The following ZKSCAN8 variants were observed in gnomAD, a reference collection of about 807,000 sequenced individuals.
The protein encoded by ZKSCAN8 is zinc finger with KRAB and SCAN domains 8, also known as zinc finger protein with KRAB and SCAN domains 8.
A neutral mutation model predicts 57.2 loss-of-function variants in ZKSCAN8; 27 were observed. That is an observed-to-expected ratio of 0.47 (90% confidence interval 0.35 to 0.65). The LOEUF is 0.65. Among genes scored for constraint, ZKSCAN8 ranks in the 30% least tolerant of loss-of-function variants. ZKSCAN8 has a pLI of 0.01. For missense variants in ZKSCAN8, 597 were observed against 696.3 expected (o/e 0.86, Z 1.60); for synonymous variants, 214 against 248.7 (o/e 0.86, Z 1.31).
chr6:28,142,481 T>C lies in ZKSCAN8; in HGVS notation c.-93+452T>C, dbSNP rs564619818. Among the ~76,000 whole-genome samples the C allele has an allele frequency of 2.6e-5, 4 of 152,234 alleles. No homozygotes were observed. In the East Asian group the frequency reaches 5.8e-4, roughly 22 times the overall value. ...ATTTTTGCTGTTACTCTTCTTTCTT[T>C]AGTGTATTCAGAAACTGGTGGTGTG... On this transcript the variant is annotated intron_variant, in intron 1 of 5. Coordinates refer to ENST00000330236, the MANE Select transcript of ZKSCAN8 (RefSeq NM_006298.4).
In ZKSCAN8 at chr6:28,155,257, T is replaced by C. The variant is rs1425155759; in HGVS notation, c.*1240T>C. 1 of 152,248 alleles carries C rather than the reference T, an allele frequency of 6.6e-6. No individual in the cohort carries two copies. The highest frequency in any genetic ancestry group is 1.5e-5 in the Non-Finnish European group (1 of 68,046). 9.4% of individuals were successfully genotyped at this position (152,248 alleles called of 1,614,324 possible). On this transcript the variant is annotated 3_prime_UTR_variant, in exon 6 of 6. Transcript: ENST00000330236. ...TGTCTATAATCTACCAACAAAGATGTACTCTTAAACTCAGTATCACCAGGC... is the reference window on the plus strand; with the variant it reads ...TGTCTATAATCTACCAACAAAGATGCACTCTTAAACTCAGTATCACCAGGC...
Position 28,153,980 on chromosome 6 carries a change from T to A in ZKSCAN8, c.1700T>A (p.Ile567Asn). The A allele has an allele frequency of 6.2e-7, 1 of 1,606,470 alleles. No homozygotes were observed. Reference protein sequence around the residue: ...QRSSLIRHQRIHSGEKSESIS... With the variant: ...QRSSLIRHQRNHSGEKSESIS... ...TCAAGTCTCATTCGACATCAGAGAA[T>A]CCACAGTGGTGAAAAATCTGAATCC... Residue 567 changes from isoleucine (I) to asparagine (N), a missense_variant, in exon 6 of 6, where the codon ATC (isoleucine) becomes AAC (asparagine). Coordinates refer to ENST00000330236, the MANE Select transcript of ZKSCAN8 (RefSeq NM_006298.4).
chr6:28,143,036 T>C (rs1395449701), intron 1 of ZKSCAN8, among the ~76,000 whole-genome samples: 6 of 152,226 alleles, frequency 3.9e-5, no homozygotes, highest in East Asian at 3.8e-4. Flanking sequence ...GAGTTGTGCC[T>C]TCAGCATCTC....
In ZKSCAN8 at chr6:28,148,597, G is replaced by A. The variant is rs754942871; in HGVS notation, c.190G>A (p.Gly64Arg). The A allele has an allele frequency of 6.2e-7, 1 of 1,614,016 alleles. No individual in the cohort carries two copies. The highest frequency in any genetic ancestry group is 1.3e-5 in the African/African-American group (1 of 74,902). Reference protein sequence around the residue: ...FRQLRYQETLGPREALIQLRA... With the variant: ...FRQLRYQETLRPREALIQLRA... Reference sequence around the variant, plus strand: ...GCAGTTACGCTACCAGGAGACACTAGGACCCCGAGAAGCTCTGATCCAACT... The same window carrying A: ...GCAGTTACGCTACCAGGAGACACTAAGACCCCGAGAAGCTCTGATCCAACT... The change falls in exon 2 of 6, where the codon GGA (glycine) becomes AGA (arginine). Residue 64 changes from glycine (G) to arginine (R), a missense_variant. Physicochemically the swap from Gly to Arg is moderately radical, Grantham distance 125. Transcript: ENST00000330236.
rs187631127 is a variant in ZKSCAN8 at position 28,157,585 on chromosome 6, T to G, written c.*3568T>G. Reference sequence around the variant, plus strand: ...CCAGCTTTTTAAAAATATGTAGCGCTTGTCATGAGAGGTACTGGGGAAAAG... The same window carrying G: ...CCAGCTTTTTAAAAATATGTAGCGCGTGTCATGAGAGGTACTGGGGAAAAG... On this transcript the variant is annotated 3_prime_UTR_variant, in exon 6 of 6. Transcript: ENST00000330236. 3.8e-4 allele frequency: 58 copies of G among 152,214 alleles called. 2 individuals carry two copies. The East Asian group carries it at 0.011, about 28-fold the overall frequency. 9.4% of individuals were successfully genotyped at this position (152,214 alleles called of 1,614,324 possible). A position where few individuals can be genotyped will look rare whatever the true frequency, so the allele number is the denominator to read the frequency against.
chr6:28,152,199 C>A, intron 4 of ZKSCAN8, 62 bp from the exon 5 acceptor site: 1 of 1,551,296 alleles, frequency 6.4e-7, no homozygotes. Context: ...ATCTCTCAAG[C>A]TCTATAGGTT....
Position 28,149,614 on chromosome 6 carries a change from A to C in ZKSCAN8, c.549A>C (p.Ser183=), listed in dbSNP as rs374702733. The change falls in exon 3 of 6, where the codon TCA becomes TCC. Residue 183 remains serine (S), a synonymous_variant. Transcript: ENST00000330236. ...TQHKSPVPQE[S]QERAMSTSQS... is the part of the protein sequence containing the mutation. ...ATAAATCTCCAGTGCCCCAAGAGTC[A>C]CAAGAGAGAGGTGAGTAGCCAGATT... The C allele has an allele frequency of 1.1e-5, 18 of 1,613,860 alleles. No homozygotes were observed. Among genetic ancestry groups the C allele is most frequent in the Non-Finnish European group, 1.4e-5 (17 of 1,179,956 alleles).
Position 28,148,652 on chromosome 6 carries a change from C to G in ZKSCAN8, c.245C>G (p.Pro82Arg), listed in dbSNP as rs1466786086. Residue 82 changes from proline to arginine, a missense_variant, in exon 2 of 6, where the codon CCA becomes CGA. Pro to Arg is a moderately radical substitution (Grantham distance 103). Transcript: ENST00000330236. ...GCCCTTTGCCATCAGTGGCTGAGGC[C>G]AGATTTGAACACCAAGGAACAGATC... ...LRALCHQWLR[P>R]DLNTKEQILE... The G allele has an allele frequency of 6.2e-7, 1 of 1,614,092 alleles. No homozygotes were observed. Among genetic ancestry groups the G allele is most frequent in the Non-Finnish European group, 8.5e-7 (1 of 1,180,012 alleles).
Position 28,152,396 on chromosome 6 carries a change from T to C in ZKSCAN8, c.775+12T>C, listed in dbSNP as rs768070272. 1.6e-5 allele frequency: 26 copies of C among 1,594,878 alleles called. No homozygotes were observed. In the Admixed American group the frequency reaches 3.5e-4, roughly 21 times the overall value. On this transcript the variant is annotated intron_variant, in intron 5 of 5. Transcript: ENST00000330236. ...CATGTTCTCCCTGGGTAAGGAGAGG[T>C]GTGGTTATTATTGTCATTTTAGATT...
rs1765849570 is a variant in ZKSCAN8 at position 28,158,224 on chromosome 6, T to G, written c.*4207T>G. The G allele has an allele frequency of 6.6e-6, 1 of 152,178 alleles. No homozygotes were observed. Among genetic ancestry groups the G allele is most frequent in the Non-Finnish European group, 1.5e-5 (1 of 68,034 alleles). The allele number at this position is 152,178 out of a possible 1,614,324, so 9.4% of individuals were successfully genotyped here. A position where few individuals can be genotyped will look rare whatever the true frequency, so the allele number is the denominator to read the frequency against. ...TTCTCTAATATCTGTCTTTCTTTTT[T>G]TAGTTGATCTTTCCACCCACTCCCC... is the stretch of plus-strand genomic sequence containing the variant. On this transcript the variant is annotated 3_prime_UTR_variant, in exon 6 of 6. Transcript: ENST00000330236.
In ZKSCAN8 at chr6:28,152,015, T is replaced by C. The variant is rs1765607735; in HGVS notation, c.651+79T>C. 44 of 1,533,072 alleles carry C rather than the reference T, an allele frequency of 2.9e-5. No individual in the cohort carries two copies. In the East Asian group the frequency reaches 9.5e-4, roughly 33 times the overall value. The allele number at this position is 1,533,072 out of a possible 1,614,324, so 95.0% of individuals were successfully genotyped here. ...TGGCATCTGCCCTATATCTTGACTG[T>C]CTAGTTTGTAGCAGTACCTACCCAA... On this transcript the variant is annotated intron_variant, in intron 4 of 5. Coordinates refer to ENST00000330236, the MANE Select transcript of ZKSCAN8 (RefSeq NM_006298.4).
chr6:28,152,110 A>G (rs1435836509), intron 4 of ZKSCAN8, 151 bp from the exon 5 acceptor site: 7 of 1,391,892 alleles, frequency 5.0e-6, no homozygotes, highest in Non-Finnish European at 6.8e-6. Flanking sequence ...AATCTCATGC[A>G]TTTTCCTCTT....
At position 28,152,056 on chromosome 6, in the gene ZKSCAN8, A is replaced by G. The variant is rs531172309; in HGVS notation, c.651+120A>G. 36 of 1,394,110 alleles carry G rather than the reference A, an allele frequency of 2.6e-5. No individual in the cohort carries two copies. In the East Asian group the frequency reaches 7.6e-4, roughly 29 times the overall value. 86.4% of individuals were successfully genotyped at this position (1,394,110 alleles called of 1,614,324 possible). ...ACCTACCCAAAAAGTTGTCCCAAAA[A>G]TTCTTTTGCCTAGGGACAGATTGAT... On this transcript the variant is annotated intron_variant, in intron 4 of 5. Transcript: ENST00000330236.
rs1264618759 is a variant in ZKSCAN8, at chr6:28,158,778, A to C, written c.*4761A>C. On this transcript the variant is annotated 3_prime_UTR_variant, in exon 6 of 6. Transcript: ENST00000330236. The stretch of plus-strand genomic sequence containing the variant: ...TCTAAGGTGCTCCTCCTCAAACTCC[A>C]TTTTTACAATATCCGTATTGTAAAA... The C allele has an allele frequency of 6.6e-6, 1 of 152,022 alleles. No homozygotes were observed. The highest frequency in any genetic ancestry group is 2.4e-5 in the African/African-American group (1 of 41,384). The allele number at this position is 152,022 out of a possible 1,614,324, so 9.4% of individuals were successfully genotyped here.
Position 28,156,156 on chromosome 6 carries a change from T to G in ZKSCAN8, c.*2139T>G, listed in dbSNP as rs1479377676. The G allele has an allele frequency of 2.5e-6, 1 of 398,238 alleles. No homozygotes were observed. Among genetic ancestry groups the G allele is most frequent in the Non-Finnish European group, 4.4e-6 (1 of 225,894 alleles). The allele number at this position is 398,238 out of a possible 1,614,324, so 24.7% of individuals were successfully genotyped here. ...CATTGTCAGAGGGAAAATATATGTG[T>G]ATGTACACATGTGTATGTACACACA... On this transcript the variant is annotated 3_prime_UTR_variant, in exon 6 of 6. Coordinates refer to ENST00000330236, the MANE Select transcript of ZKSCAN8 (RefSeq NM_006298.4).
In ZKSCAN8 at chr6:28,153,196, C is replaced by CTGGGCAGATTA. The variant is rs1275505505; in HGVS notation, c.917_927dup (p.Glu310TrpfsTer4). The CTGGGCAGATTA allele has an allele frequency of 6.2e-7, 1 of 1,614,022 alleles. No individual in the cohort carries two copies. The highest frequency in any genetic ancestry group is 8.5e-7 in the Non-Finnish European group (1 of 1,180,032). On this transcript the variant is annotated frameshift_variant, in exon 6 of 6. Transcript: ENST00000330236. LOFTEE classifies it high-confidence loss of function. ...TGAGCATGAAGAAGCCCGAGACCTT[C>CTGGGCAGATTA]TGGGCAGATTAGAGAGGCAGCGGGG...
intron 3 of ZKSCAN8, among the ~76,000 whole-genome samples, chr6:28,151,123 A>G (rs572827154): frequency 3.3e-5 from 5 of 152,252 alleles, no homozygotes; most frequent in African/African-American, 1.2e-4. Context: ...TTATTTTGCT[A>G]AATCATCTCA....
chr6:28,152,171 C>T, intron 4 of ZKSCAN8, 90 bp from the exon 5 acceptor site: 10 of 1,523,622 alleles, frequency 6.6e-6, no homozygotes, highest in Non-Finnish European at 8.8e-6. Flanking sequence ...AGTTGTAATT[C>T]TCTCCCAATA....
At position 28,153,457 on chromosome 6, in the gene ZKSCAN8, C is replaced by G; in HGVS notation, c.1177C>G (p.Leu393Val). The change falls in exon 6 of 6, where the codon CTG becomes GTG. Residue 393 changes from leucine (L) to valine (V), a missense_variant. By Grantham distance (32) the Leu-to-Val change is conservative. Transcript: ENST00000330236. The stretch of plus-strand genomic sequence containing the variant: ...CAAAGCCTTCAGTCAGAACACAGGC[C>G]TGATTCTGCACCAGAGAATCCACAC... The part of the protein sequence containing the change: ...CGKAFSQNTG[L>V]ILHQRIHTGE... 6.2e-7 allele frequency: 1 copy of G among 1,614,170 alleles called. No individual in the cohort carries two copies. Among genetic ancestry groups the G allele is most frequent in the Non-Finnish European group, 8.5e-7 (1 of 1,180,028 alleles).
Sources: gnomAD v4.1 joint callset for allele counts (sites outside exome capture counted in the v4.1 genomes callset) on GRCh38, gnomAD v4.1.1 for gene constraint, MANE v1.5 for transcripts, NCBI Gene and HGNC (gene_info 2026-07-23, HGNC 2026-07-21) for gene names.